APOOL: variants seen among roughly 807,000 people sequenced by gnomAD.
APOOL encodes apolipoprotein O like, also known as MICOS complex subunit MIC27.
In APOOL, 12 loss-of-function variants were observed where a neutral mutation model predicts 23.1. The ratio of observed to expected loss-of-function variants is 0.52; its 90% confidence interval spans 0.33 to 0.84. The LOEUF (loss-of-function observed/expected upper bound fraction) is 0.84. Ranked by LOEUF, APOOL falls within the 40% of genes least tolerant of loss-of-function variation. APOOL has a pLI of 0.02. For missense variants in APOOL, 212 were observed against 199.6 expected (o/e 1.06, Z -0.37); for synonymous variants, 77 against 69.9 (o/e 1.10, Z -0.51).
chrX:85,044,883 T>C (rs1922523667), intron 1 of APOOL, among the ~76,000 whole-genome samples: 1 of 111,832 alleles, frequency 8.9e-6, no homozygotes, highest in South Asian at 3.7e-4. Context: ...CATTAGTGTG[T>C]TGAAAAAATT....
At chrX:85,062,510 T>G (rs1923269700) in intron 5 of APOOL, among the ~76,000 whole-genome samples, 2 of 112,194 alleles carry the variant, frequency 1.8e-5, no homozygotes, top group Non-Finnish European at 3.8e-5. Flanking sequence ...GGTTTTACAT[T>G]TAAGTCATTA....
intron 8 of APOOL, among the ~76,000 whole-genome samples, chrX:85,084,891 A>C (rs1924236769): frequency 9.0e-6 from 1 of 111,185 alleles, no homozygotes; most frequent in South Asian, 3.8e-4. Flanking sequence ...TTTACGTAAA[A>C]TAATTATTTG....
intron 1 of APOOL, among the ~76,000 whole-genome samples, chrX:85,012,745 T>C (rs1205435764): frequency 8.9e-6 from 1 of 112,158 alleles, no homozygotes; most frequent in Non-Finnish European, 1.9e-5. Context: ...TTCAGTTAGC[T>C]AGTATTTTGT....
intron 8 of APOOL, among the ~76,000 whole-genome samples, chrX:85,077,044 C>CAT (rs1923873604): frequency 1.3e-5 from 1 of 76,042 alleles, no homozygotes; most frequent in Non-Finnish European, 2.3e-5. Flanking sequence ...TATATATATA[C>CAT]GTATATGTAT....
intron 5 of APOOL, among the ~76,000 whole-genome samples, chrX:85,060,394 G>GT (rs1297519468): frequency 3.7e-5 from 4 of 107,419 alleles, no homozygotes; most frequent in Non-Finnish European, 3.8e-5. Flanking sequence ...CTTTAAAGTA[G>GT]TTTTTTTCCA....
chrX:85,054,308 A>G (rs781239956), intron 3 of APOOL, 36 bp from the exon 4 acceptor site: 1 of 1,147,324 alleles, frequency 8.7e-7, no homozygotes, highest in Non-Finnish European at 1.2e-6. Flanking sequence ...CAGCTTCAAA[A>G]ATGCAGATGT....
At chrX:85,083,973 G>T (rs1384688123) in intron 8 of APOOL, among the ~76,000 whole-genome samples, 1 of 110,760 alleles carries the variant, frequency 9.0e-6, no homozygotes, top group Non-Finnish European at 1.9e-5. Context: ...GTATAAAATT[G>T]CAAAGGAATG....
At chrX:85,039,784 G>A (rs187052962) in intron 1 of APOOL, among the ~76,000 whole-genome samples, 5 of 111,818 alleles carry the variant, frequency 4.5e-5, no homozygotes, top group African/African-American at 1.6e-4. Context: ...ATTTGAGCCT[G>A]TGGATGTCAC....
intron 8 of APOOL, chrX:85,080,538 A>G (rs192369035): frequency 9.0e-6 from 1 of 111,522 alleles, no homozygotes; most frequent in South Asian, 3.8e-4. Flanking sequence ...GAATAAGTAT[A>G]ATGTGGTGCT....
intron 1 of APOOL, among the ~76,000 whole-genome samples, chrX:85,015,277 T>C (rs1427631211): frequency 1.8e-5 from 2 of 111,000 alleles, no homozygotes; most frequent in Non-Finnish European, 3.8e-5. Context: ...TTCTGTGGTA[T>C]CTCCTTGAGT....
At chrX:85,005,116 C>T (rs1921011962) in intron 1 of APOOL, among the ~76,000 whole-genome samples, 1 of 110,177 alleles carries the variant, frequency 9.1e-6, no homozygotes, top group Admixed American at 9.7e-5. Flanking sequence ...TTAATAGTGT[C>T]CTTGATCTCC....
At chrX:85,058,984 G>A (rs957092087) in intron 5 of APOOL, among the ~76,000 whole-genome samples, 1 of 107,180 alleles carries the variant, frequency 9.3e-6, no homozygotes, top group Non-Finnish European at 1.9e-5. Flanking sequence ...CCATTAACTC[G>A]TCATTTAGCA....
At chrX:85,078,189 C>G in intron 8 of APOOL, among the ~76,000 whole-genome samples, 1 of 111,734 alleles carries the variant, frequency 8.9e-6, no homozygotes, top group Non-Finnish European at 1.9e-5. Context: ...AATGGTATTG[C>G]CTAAGTTTTA....
rs185075460 is a variant in APOOL at position 85,017,684 on chromosome X, G to A, written c.15+13757G>A. 7.2e-5 allele frequency among the ~76,000 whole-genome samples: 8 copies of A among 111,651 alleles called. No individual in the cohort carries two copies. In the East Asian group the frequency reaches 2.3e-3, roughly 32 times the overall value. On this transcript the variant is annotated intron_variant, in intron 1 of 8. Transcript: ENST00000373173. ...TTAGGGATGGCTTCCCTGGGCTTGAGCTGGAGACTCTGAGTGCCTACGAGG... is the reference window on the plus strand; with the variant it reads ...TTAGGGATGGCTTCCCTGGGCTTGAACTGGAGACTCTGAGTGCCTACGAGG...
At chrX:85,038,138 G>C (rs1922278069) in intron 1 of APOOL, among the ~76,000 whole-genome samples, 1 of 110,857 alleles carries the variant, frequency 9.0e-6, no homozygotes, top group African/African-American at 3.3e-5. Context: ...AGGATCATAG[G>C]GTCTTGTTTT....
rs1048230400 is a variant in APOOL at position 85,033,965 on chromosome X, A to G, written c.16-12481A>G. ...GGTATGTATAATCTTAACTTTTATA[A>G]TCAGAAGTGGCCAACTGGAGTAACC... On this transcript the variant is annotated intron_variant, in intron 1 of 8. Transcript: ENST00000373173. Among the ~76,000 whole-genome samples, 3 of 111,513 alleles carry G rather than the reference A, an allele frequency of 2.7e-5. No individual in the cohort carries two copies. The Admixed American group carries it at 2.9e-4, about 11-fold the overall frequency.
intron 8 of APOOL, among the ~76,000 whole-genome samples, chrX:85,086,995 G>A (rs372467801): frequency 3.8e-4 from 42 of 111,169 alleles, no homozygotes; most frequent in African/African-American, 1.1e-3. Flanking sequence ...CACCGCGCCC[G>A]GCCGAGTGAT....
At chrX:85,061,844 A>G (rs1452999570) in intron 5 of APOOL, among the ~76,000 whole-genome samples, 2 of 111,353 alleles carry the variant, frequency 1.8e-5, no homozygotes, top group African/African-American at 6.5e-5. Flanking sequence ...TCCCGGATTC[A>G]TTGATTTTTT....
At position 85,041,728 on chromosome X, in the gene APOOL, G is replaced by A. The variant is rs142234279; in HGVS notation, c.16-4718G>A. ...AGTCTGGAGGCCTTGGGAATAGAGG[G>A]TCTATGGGGATCTCCTGTGTCCAGG... On this transcript the variant is annotated intron_variant, in intron 1 of 8. Transcript: ENST00000373173. Among the ~76,000 whole-genome samples the A allele has an allele frequency of 3.3e-3, 366 of 111,410 alleles. 2 individuals are homozygous for A. Among genetic ancestry groups the A allele is most frequent in the African/African-American group, 0.011 (330 of 30,655 alleles).
Sources: allele counts gnomAD v4.1 joint callset (sites outside exome capture counted in the v4.1 genomes callset), GRCh38; gene constraint gnomAD v4.1.1; transcripts MANE v1.5; gene names NCBI Gene and HGNC (gene_info 2026-07-23, HGNC 2026-07-21).